Variants in TIAM2 observed in about 807,000 individuals in gnomAD.
TIAM2 encodes TIAM Rac1 associated GEF 2.
In TIAM2, 80 loss-of-function variants were observed where a neutral mutation model predicts 152.9. That is an observed-to-expected ratio of 0.52 (90% CI 0.44 to 0.63). The LOEUF (loss-of-function observed/expected upper bound fraction) is 0.63. Among genes scored for constraint, TIAM2 ranks in the 30% least tolerant of loss-of-function variants. The probability of loss-of-function intolerance (pLI) is 0.00; values close to 1 mark genes in which losing one functional copy is unlikely to be tolerated. For missense variants in TIAM2, 1,965 were observed against 2,120.1 expected, an observed-to-expected ratio of 0.93 and a Z score of 1.44; for synonymous variants, 804 against 838.0, an observed-to-expected ratio of 0.96 and a Z score of 0.70.
At chr6:155,051,328 C>G (rs1777312397) in intron 1 of TIAM2, among the ~76,000 whole-genome samples, 1 of 152,174 alleles carries the variant, frequency 6.6e-6, no homozygotes, top group African/African-American at 2.4e-5. Flanking sequence ...CCCGCTTACT[C>G]CCATCCATGG....
At chr6:155,048,791 T>G (rs774703166) in intron 1 of TIAM2, among the ~76,000 whole-genome samples, 1 of 151,362 alleles carries the variant, frequency 6.6e-6, no homozygotes, top group Non-Finnish European at 1.5e-5. Context: ...AAATCCTCAA[T>G]CCACTCTTTG....
Position 155,129,966 on chromosome 6 carries a change from C to A in TIAM2, c.743C>A (p.Ser248Tyr). 6.2e-7 allele frequency: 1 copy of A among 1,614,102 alleles called. No individual in the cohort carries two copies. Residue 248 changes from serine to tyrosine, a missense_variant, in exon 4 of 27, where the codon TCC becomes TAC. Ser to Tyr is a moderately radical substitution (Grantham distance 144). This residue lies in a region of TIAM2 where 1,025 missense variants were observed against 1,119.4 expected (regional missense o/e 0.92). Coordinates refer to ENST00000682666, the MANE Select transcript of TIAM2 (RefSeq NM_012454.4). This position sits in a 1 kb window ranked among gnomAD's most constrained non-coding sequence, Gnocchi z 4.8. ...GGCAGCTCCCTGAGTTCTGAGTCAT[C>A]CTGGTACGACTCCCCTTGGGGCAAT... ...SKGSSLSSES[S>Y]WYDSPWGNAG...
intron 14 of TIAM2, among the ~76,000 whole-genome samples, chr6:155,202,343 T>G (rs1483414615): frequency 1.3e-5 from 2 of 152,212 alleles, no homozygotes; most frequent in Admixed American, 1.3e-4. Flanking sequence ...AAAGTAAAAG[T>G]ATGAGTAAAA....
intron 2 of TIAM2, among the ~76,000 whole-genome samples, chr6:155,106,177 G>A (rs1778684334): frequency 6.6e-6 from 1 of 151,740 alleles, no homozygotes; most frequent in Non-Finnish European, 1.5e-5. Context: ...GCTAATTTTT[G>A]TAGTTTTAGT....
At position 155,072,654 on chromosome 6, in the gene TIAM2, T is replaced by C. The variant is rs555816065; in HGVS notation, c.-208-17635T>C. 2.0e-5 allele frequency among the ~76,000 whole-genome samples: 3 copies of C among 152,178 alleles called. No individual in the cohort carries two copies. The South Asian group carries it at 6.2e-4, about 32-fold the overall frequency. ...TACATCTGGTAGGTGGGTAAGTGGG[T>C]CTGGAACTCAGAAGAAATAGAGTCT... On this transcript the variant is annotated intron_variant, in intron 1 of 26. Transcript: ENST00000682666.
At chr6:154,997,035 C>T (rs377425124) in intron 1 of TIAM2, among the ~76,000 whole-genome samples, 13 of 152,178 alleles carry the variant, frequency 8.5e-5, no homozygotes, top group African/African-American at 2.9e-4. Flanking sequence ...TGGCACCTGC[C>T]TGCCTTTCCA....
intron 1 of TIAM2, among the ~76,000 whole-genome samples, chr6:155,076,885 G>A (rs1472561323): frequency 6.6e-6 from 1 of 152,100 alleles, no homozygotes; most frequent in Non-Finnish European, 1.5e-5. Flanking sequence ...TAGTAGAGAC[G>A]GAGTTCTGCC....
chr6:155,110,332 T>TTTTTTTTTTTTTTTTTTTTTTTTTTGTG (rs1244132833), intron 2 of TIAM2, among the ~76,000 whole-genome samples: 1 of 137,448 alleles, frequency 7.3e-6, no homozygotes. Context: ...TTTTTTTTGT[T>TTTTTTTTTTTTTTTTTTTTTTTTTTGTG]GTTCTTTCTT....
At chr6:155,215,979 G>T (rs7383673) in intron 15 of TIAM2, among the ~76,000 whole-genome samples, 2,305 of 151,764 alleles carry the variant, frequency 0.015, 25 homozygotes, top group Non-Finnish European at 0.024. Flanking sequence ...GGATAATTTT[G>T]TTTATTTTTT....
chr6:155,018,176 T>C (rs1034399575), intron 1 of TIAM2, among the ~76,000 whole-genome samples: 2 of 150,534 alleles, frequency 1.3e-5, no homozygotes, highest in Middle Eastern at 6.4e-3. Flanking sequence ...AGTTCAAGGC[T>C]ATAGTGAGCT....
Position 155,251,999 on chromosome 6 carries a change from A to G in TIAM2, c.4115A>G (p.Lys1372Arg), listed in dbSNP as rs1783689256. 1.9e-6 allele frequency: 3 copies of G among 1,604,902 alleles called. No individual in the cohort carries two copies. Among genetic ancestry groups the G allele is most frequent in the Admixed American group, 1.7e-5 (1 of 57,514 alleles). ...VYKENCKLKKKLPSNSRPAHN... is the reference protein window; with the variant it reads ...VYKENCKLKKRLPSNSRPAHN... The stretch of plus-strand genomic sequence containing the variant: ...AAAGAAAACTGCAAACTGAAAAAGA[A>G]ATTGGTAAGGCAAAAATTCATTTTA... The change falls in exon 23 of 27, where the codon AAA (lysine) becomes AGA (arginine). Residue 1372 changes from lysine to arginine, a missense_variant. Coordinates refer to ENST00000682666, the MANE Select transcript of TIAM2 (RefSeq NM_012454.4).
intron 7 of TIAM2, among the ~76,000 whole-genome samples, chr6:155,161,197 A>G (rs774124597): frequency 1.5e-4 from 22 of 145,684 alleles, no homozygotes; most frequent in Non-Finnish European, 2.7e-4. Context: ...TCCCGATCTG[A>G]GCCGGGGTAT....
chr6:155,119,392 C>G lies in TIAM2; in HGVS notation c.-117-8098C>G, dbSNP rs372624159. ...AATCTCTTCTTCACTCAGGCTGGAGCGCAGTGATGCAATCTCCACTCACTG... is the reference window on the plus strand; with the variant it reads ...AATCTCTTCTTCACTCAGGCTGGAGGGCAGTGATGCAATCTCCACTCACTG... On this transcript the variant is annotated intron_variant, in intron 2 of 26. Coordinates refer to ENST00000682666, the MANE Select transcript of TIAM2 (RefSeq NM_012454.4). Among the ~76,000 whole-genome samples the G allele has an allele frequency of 1.3e-4, 20 of 151,616 alleles. No homozygotes were observed. In the South Asian group the frequency reaches 4.2e-3, roughly 32 times the overall value.
rs1781799177 is a variant in TIAM2 at position 155,214,242 on chromosome 6, C to T, written c.3168+2935C>T. Among the ~76,000 whole-genome samples the T allele has an allele frequency of 1.3e-5, 2 of 152,222 alleles. No homozygotes were observed. The highest frequency in any genetic ancestry group is 2.4e-5 in the African/African-American group (1 of 41,462). On this transcript the variant is annotated intron_variant, in intron 15 of 26. Transcript: ENST00000682666. The surrounding 1 kb of genome is among the most constrained non-coding windows in gnomAD (Gnocchi z 5.4). ...CTGGCCGTGCCTCCCCCGGTGCAGCCGGCATCATCGCAGTGACTGTTCCAG... is the reference window on the plus strand; with the variant it reads ...CTGGCCGTGCCTCCCCCGGTGCAGCTGGCATCATCGCAGTGACTGTTCCAG...
chr6:155,111,620 G>A (rs1376996617), intron 2 of TIAM2, among the ~76,000 whole-genome samples: 1 of 152,156 alleles, frequency 6.6e-6, no homozygotes, highest in Non-Finnish European at 1.5e-5. Flanking sequence ...AAGTTTCTGT[G>A]ATAGGAGGGG....
intron 15 of TIAM2, among the ~76,000 whole-genome samples, chr6:155,216,116 A>G (rs955089326): frequency 2.0e-5 from 3 of 151,950 alleles, no homozygotes; most frequent in African/African-American, 4.8e-5. Flanking sequence ...GTCCTCTTCT[A>G]TTTTTGAAGT....
intron 1 of TIAM2, among the ~76,000 whole-genome samples, chr6:155,076,428 C>T (rs57470224): frequency 0.093 from 14,118 of 151,918 alleles, 776 homozygotes; most frequent in East Asian, 0.2. Flanking sequence ...AATTCCATGC[C>T]GAAGTAATTA....
chr6:155,197,264 T>C lies in TIAM2; in HGVS notation c.3064+13764T>C, dbSNP rs945361307. ...TTTCTCCTAAATTGCCATTTGTGAA[T>C]CTAATTCTGTCTTTCATGTTTCAGT... On this transcript the variant is annotated intron_variant, in intron 14 of 26. Coordinates refer to ENST00000682666, the MANE Select transcript of TIAM2 (RefSeq NM_012454.4). Among the ~76,000 whole-genome samples, 6 of 152,398 alleles carry C rather than the reference T, an allele frequency of 3.9e-5. No homozygotes were observed. In the South Asian group the frequency reaches 1.0e-3, roughly 26 times the overall value.
At chr6:155,207,376 A>G (rs1781621483) in intron 14 of TIAM2, among the ~76,000 whole-genome samples, 1 of 152,152 alleles carries the variant, frequency 6.6e-6, no homozygotes, top group Non-Finnish European at 1.5e-5. Flanking sequence ...GCAGCTGTGG[A>G]CACTGTCCAG....
Sources: allele counts gnomAD v4.1 joint callset (sites outside exome capture counted in the v4.1 genomes callset), GRCh38; gene constraint gnomAD v4.1.1; regional missense constraint gnomAD v4.1.1; non-coding constraint Gnocchi (gnomAD v3.1); transcripts MANE v1.5; gene names NCBI Gene and HGNC (gene_info 2026-07-23, HGNC 2026-07-21).